Variants in CRYZL1 observed in about 807,000 individuals in gnomAD.
CRYZL1 encodes the protein ferry endosomal RAB5 effector complex subunit 4.
CRYZL1 carries 34 observed loss-of-function variants against 50.6 expected under a neutral mutation model. The ratio of observed to expected loss-of-function variants is 0.67; its 90% CI spans 0.51 to 0.89. The LOEUF (loss-of-function observed/expected upper bound fraction) is 0.89. Ranked by LOEUF, CRYZL1 falls within the 40% of genes least tolerant of loss-of-function variation. The pLI, the probability that CRYZL1 is intolerant of heterozygous loss-of-function variation, is 0.00. For synonymous variants in CRYZL1, 125 were observed against 134.3 expected (o/e 0.93, Z 0.48); for missense variants, 354 against 402.3 (o/e 0.88, Z 1.03).
At chr21:33,629,941 AG>A (rs1336823646) in intron 2 of CRYZL1, among the ~76,000 whole-genome samples, 8 of 152,196 alleles carry the variant, frequency 5.3e-5, no homozygotes, top group African/African-American at 1.9e-4. Context: ...TTTATCATGA[AG>A]GGATGTTACA....
chr21:33,624,406 G>A (rs1166563118), intron 3 of CRYZL1, among the ~76,000 whole-genome samples: 1 of 152,154 alleles, frequency 6.6e-6, no homozygotes, highest in Admixed American at 6.5e-5. Context: ...AAAATTAGCT[G>A]GGTGTGGTGG....
chr21:33,619,026 A>C lies in CRYZL1; in HGVS notation c.218-2276T>G, dbSNP rs2086966643. On this transcript the variant is annotated intron_variant, in intron 4 of 12. Coordinates refer to ENST00000381554, the MANE Select transcript of CRYZL1 (RefSeq NM_145858.3). ...TCACCCTTGAGCTTTAACTCATTTA[A>C]TTGCTTACTAGATATTGCCAGTGAG... Among the ~76,000 whole-genome samples the C allele has an allele frequency of 8.5e-5, 13 of 152,262 alleles. No homozygotes were observed. The South Asian group carries it at 2.7e-3, about 32-fold the overall frequency.
intron 12 of CRYZL1, 63 bp downstream of exon 12, chr21:33,591,099 C>T: frequency 8.1e-7 from 1 of 1,229,468 alleles, no homozygotes; most frequent in South Asian, 1.2e-5. Context: ...GTGGGACTGC[C>T]TGCCTTAGCT....
intron 6 of CRYZL1, among the ~76,000 whole-genome samples, chr21:33,610,930 C>T (rs972286164): frequency 6.6e-6 from 1 of 151,692 alleles, no homozygotes; most frequent in Non-Finnish European, 1.5e-5. Flanking sequence ...CGGGTTTCAC[C>T]ATGTTGGCCA....
chr21:33,623,957 C>A (rs1254403262), intron 3 of CRYZL1, among the ~76,000 whole-genome samples: 3 of 152,022 alleles, frequency 2.0e-5, no homozygotes, highest in East Asian at 3.9e-4. Context: ...GAAATATGAA[C>A]CATAACTAGT....
intron 1 of CRYZL1, chr21:33,640,122 G>C: frequency 6.5e-7 from 1 of 1,543,012 alleles, no homozygotes; most frequent in South Asian, 1.2e-5. Flanking sequence ...CACCACGCTC[G>C]GCCAATATGT....
chr21:33,623,559 A>G (rs2087026292), intron 3 of CRYZL1, among the ~76,000 whole-genome samples: 1 of 152,222 alleles, frequency 6.6e-6, no homozygotes, highest in African/African-American at 2.4e-5. Flanking sequence ...TACTCTTGTG[A>G]AAAGACTTCA....
At chr21:33,593,829 CA>C (rs1176580311) in intron 11 of CRYZL1, among the ~76,000 whole-genome samples, 1 of 151,482 alleles carries the variant, frequency 6.6e-6, no homozygotes, top group Non-Finnish European at 1.5e-5. Context: ...CTAAAAAATA[CA>C]AAAAATTAGC....
intron 1 of CRYZL1, among the ~76,000 whole-genome samples, chr21:33,636,147 C>T (rs1037551865): frequency 1.5e-4 from 23 of 152,114 alleles, no homozygotes; most frequent in African/African-American, 5.3e-4. Flanking sequence ...GTCATCCCAA[C>T]AATTTGGGAG....
intron 2 of CRYZL1, among the ~76,000 whole-genome samples, chr21:33,630,319 C>T (rs996035304): frequency 6.6e-6 from 1 of 152,232 alleles, no homozygotes; most frequent in African/African-American, 2.4e-5. Flanking sequence ...GGCGCAGTGG[C>T]TCATGCCTAT....
rs551932012 is a variant in CRYZL1, at chr21:33,590,477, G to A, written c.951-556C>T. 4.0e-3 allele frequency among the ~76,000 whole-genome samples: 607 copies of A among 151,482 alleles called. 4 individuals carry two copies. The highest frequency in any genetic ancestry group is 0.014 in the African/African-American group (583 of 41,234). ...GTTGCCCAGGCTGGAGTGCAATGGT[G>A]TGATCTCGGCTCACTGCAACCTTCA... On this transcript the variant is annotated intron_variant, in intron 12 of 12. Transcript: ENST00000381554.
At chr21:33,616,843 T>C in intron 4 of CRYZL1, 93 bp from the exon 5 acceptor site, 5 of 1,157,544 alleles carry the variant, frequency 4.3e-6, no homozygotes, top group Non-Finnish European at 4.7e-6. Flanking sequence ...TGTGGATTTG[T>C]AAAAAGACTG....
At chr21:33,616,935 C>A in intron 4 of CRYZL1, 185 bp from the exon 5 acceptor site, 1 of 418,562 alleles carries the variant, frequency 2.4e-6, no homozygotes, top group Non-Finnish European at 4.2e-6. Context: ...TACAGCACTT[C>A]AAATCTGGAT....
rs1041577610 is a variant in CRYZL1, at chr21:33,624,596, T to C, written c.144+87A>G. ...TGAAGATGGTAATAAATTCTTCACA[T>C]TGAGAGGTCAGTTATCGTTATATTT... On this transcript the variant is annotated intron_variant, in intron 3 of 12. Coordinates refer to ENST00000381554, the MANE Select transcript of CRYZL1 (RefSeq NM_145858.3). 5.8e-6 allele frequency: 9 copies of C among 1,542,516 alleles called. No individual in the cohort carries two copies. In the East Asian group the frequency reaches 1.2e-4, roughly 21 times the overall value.
At chr21:33,637,788 T>TATATATATAC (rs1491462371) in intron 1 of CRYZL1, among the ~76,000 whole-genome samples, 38 of 117,206 alleles carry the variant, frequency 3.2e-4, no homozygotes, top group African/African-American at 9.9e-4. Context: ...TATATATATA[T>TATATATATAC]ACACACACAC....
chr21:33,595,743 C>G lies in CRYZL1; in HGVS notation c.892G>C (p.Gly298Arg). 6.2e-7 allele frequency: 1 copy of G among 1,613,600 alleles called. No homozygotes were observed. The highest frequency in any genetic ancestry group is 8.5e-7 in the Non-Finnish European group (1 of 1,179,566). Residue 298 changes from glycine to arginine, a missense_variant, in exon 11 of 13, where the codon GGA (glycine) becomes CGA (arginine). Transcript: ENST00000381554. ...ATAAAAAGGATATAAAGATATTTTCCCTGTTGTACATTTGACAAATTCCAA... is the reference window on the plus strand; with the variant it reads ...ATAAAAAGGATATAAAGATATTTTCGCTGTTGTACATTTGACAAATTCCAA... ...EVWNLSNVQQ[G>R]KYLCILKDVM...
chr21:33,628,664 A>G (rs2087099290), intron 2 of CRYZL1, among the ~76,000 whole-genome samples: 2 of 150,710 alleles, frequency 1.3e-5, no homozygotes, highest in South Asian at 4.2e-4. Context: ...TGCAGTGTCA[A>G]GATCACGGCT....
At chr21:33,637,211 C>T (rs539593881) in intron 1 of CRYZL1, among the ~76,000 whole-genome samples, 142 of 152,060 alleles carry the variant, frequency 9.3e-4, no homozygotes, top group Middle Eastern at 3.4e-3. Context: ...TTTTGGAGGC[C>T]GAGGCGGGCG....
rs371063088 is a variant in CRYZL1 at position 33,590,313 on chromosome 21, G to A, written c.951-392C>T. ...ATTACAGGCATGAGCCACTGCACCC[G>A]GCCTCAAATCTATTACTTTAAGTAA... On this transcript the variant is annotated intron_variant, in intron 12 of 12. Coordinates refer to ENST00000381554, the MANE Select transcript of CRYZL1 (RefSeq NM_145858.3). Among the ~76,000 whole-genome samples, 7 of 152,096 alleles carry A rather than the reference G, an allele frequency of 4.6e-5. No homozygotes were observed. In the East Asian group the frequency reaches 9.7e-4, roughly 21 times the overall value.
Sources: allele counts gnomAD v4.1 joint callset (sites outside exome capture counted in the v4.1 genomes callset), GRCh38; gene constraint gnomAD v4.1.1; transcripts MANE v1.5; gene names NCBI Gene and HGNC (gene_info 2026-07-23, HGNC 2026-07-21).